The following SLC24A3 variants were observed in gnomAD, a reference collection of about 807,000 sequenced individuals.
SLC24A3 encodes solute carrier family 24 member 3, also known as sodium/potassium/calcium exchanger 3.
A neutral mutation model predicts 75.8 loss-of-function variants in SLC24A3; 28 were observed. The ratio of observed to expected loss-of-function variants is 0.37; its 90% CI spans 0.27 to 0.51. SLC24A3 has a LOEUF of 0.51. Ranked by LOEUF, SLC24A3 falls within the 20% of genes least tolerant of loss-of-function variation. The pLI, the probability that SLC24A3 is intolerant of heterozygous loss-of-function variation, is 0.94. For synonymous variants in SLC24A3, 372 were observed against 334.1 expected (o/e 1.11, Z -1.24); for missense variants, 663 against 847.8 (o/e 0.78, Z 2.71).
chr20:19,710,186 T>C (rs2032973584), intron 15 of SLC24A3, among the ~76,000 whole-genome samples: 1 of 152,210 alleles, frequency 6.6e-6, no homozygotes. Flanking sequence ...TTATTTTTCC[T>C]AAAGGAATTT....
intron 6 of SLC24A3, among the ~76,000 whole-genome samples, chr20:19,632,142 T>G (rs1408191252): frequency 2.0e-5 from 3 of 152,152 alleles, no homozygotes; most frequent in Non-Finnish European, 4.4e-5. Context: ...GAACCCCTCC[T>G]TTAGAACACT....
intron 2 of SLC24A3, among the ~76,000 whole-genome samples, chr20:19,474,483 G>T (rs1987928613): frequency 6.6e-6 from 1 of 152,132 alleles, no homozygotes; most frequent in African/African-American, 2.4e-5. Context: ...GGCAGTTAGG[G>T]GTTTATCCTG....
chr20:19,701,349 A>G (rs1311645559), intron 15 of SLC24A3, among the ~76,000 whole-genome samples: 6 of 79,776 alleles, frequency 7.5e-5, no homozygotes. Flanking sequence ...CCCGAAACAT[A>G]TTTTTATTAA....
At chr20:19,368,705 G>A (rs1388563484) in intron 2 of SLC24A3, among the ~76,000 whole-genome samples, 1 of 152,186 alleles carries the variant, frequency 6.6e-6, no homozygotes, top group African/African-American at 2.4e-5. Context: ...ACCCAGCAGT[G>A]TAGCCAAATG....
Position 19,722,767 on chromosome 20 carries a change from C to G in SLC24A3, c.*1627C>G, listed in dbSNP as rs1298623162. 6.6e-6 allele frequency: 1 copy of G among 152,550 alleles called. No homozygotes were observed. Among genetic ancestry groups the G allele is most frequent in the Non-Finnish European group, 1.5e-5 (1 of 68,032 alleles). The allele number at this position is 152,550 out of a possible 1,614,324, so 9.4% of individuals were successfully genotyped here. A position where few individuals can be genotyped will look rare whatever the true frequency, so the allele number is the denominator to read the frequency against. On this transcript the variant is annotated 3_prime_UTR_variant, in exon 17 of 17. Transcript: ENST00000328041. ...ATGGGGCACGTGCCCAACTGAGGAACAGGAGAAGAAATCACCAATTTGGGC... is the reference window on the plus strand; with the variant it reads ...ATGGGGCACGTGCCCAACTGAGGAAGAGGAGAAGAAATCACCAATTTGGGC...
chr20:19,695,672 C>T (rs576686777), intron 13 of SLC24A3: 2 of 152,298 alleles, frequency 1.3e-5, no homozygotes, highest in East Asian at 1.9e-4. Context: ...CACTTCATTC[C>T]GTGCTGAATT....
At chr20:19,293,803 A>G (rs1983998114) in intron 2 of SLC24A3, among the ~76,000 whole-genome samples, 1 of 152,088 alleles carries the variant, frequency 6.6e-6, no homozygotes, top group Non-Finnish European at 1.5e-5. Context: ...CATCAATGCC[A>G]CAATTCGATG....
chr20:19,273,403 C>T (rs1983388195), intron 1 of SLC24A3, among the ~76,000 whole-genome samples: 1 of 152,326 alleles, frequency 6.6e-6, no homozygotes, highest in East Asian at 1.9e-4. Context: ...GAAGTCCCAG[C>T]TGCTGGCTTA....
Position 19,693,413 on chromosome 20 carries a change from G to A in SLC24A3, c.1479G>A (p.Met493Ile), listed in dbSNP as rs2032769616. 6.2e-7 allele frequency: 1 copy of A among 1,613,914 alleles called. No homozygotes were observed. Among genetic ancestry groups the A allele is most frequent in the South Asian group, 1.1e-5 (1 of 91,054 alleles). The change falls in exon 13 of 17, where the codon ATG becomes ATA. Residue 493 changes from methionine (M) to isoleucine (I), a missense_variant. Coordinates refer to ENST00000328041, the MANE Select transcript of SLC24A3 (RefSeq NM_020689.4). Reference protein sequence around the residue: ...STLWIAAFSYMMVWMVTIIGY... With the variant: ...STLWIAAFSYIMVWMVTIIGY... ...TGTGGATCGCAGCCTTCTCCTACAT[G>A]ATGGTGTGGATGGTGAGTGCAATCG...
At chr20:19,442,590 G>T (rs1249768217) in intron 2 of SLC24A3, among the ~76,000 whole-genome samples, 1 of 152,086 alleles carries the variant, frequency 6.6e-6, no homozygotes, top group Non-Finnish European at 1.5e-5. Flanking sequence ...AATTATTTGT[G>T]TAGATTGCTT....
intron 2 of SLC24A3, among the ~76,000 whole-genome samples, chr20:19,413,770 C>T (rs1375045107): frequency 2.0e-5 from 3 of 152,108 alleles, no homozygotes; most frequent in Non-Finnish European, 4.4e-5. Flanking sequence ...GTTAGAATGG[C>T]TTAAAGTAAA....
chr20:19,630,724 TC>T (rs1391152565), intron 6 of SLC24A3, among the ~76,000 whole-genome samples: 2 of 152,196 alleles, frequency 1.3e-5, no homozygotes, highest in African/African-American at 4.8e-5. Flanking sequence ...TAAGCTAAAC[TC>T]CATTTAATCC....
intron 3 of SLC24A3, among the ~76,000 whole-genome samples, chr20:19,569,566 C>T (rs916362917): frequency 2.0e-5 from 3 of 152,172 alleles, no homozygotes; most frequent in Non-Finnish European, 2.9e-5. Flanking sequence ...CAGCCTCTAA[C>T]GACCTTAGCC....
intron 3 of SLC24A3, among the ~76,000 whole-genome samples, chr20:19,535,041 A>T (rs1016276584): frequency 2.0e-5 from 3 of 152,220 alleles, no homozygotes; most frequent in Non-Finnish European, 2.9e-5. Context: ...CTGGGTTTTC[A>T]AAATTGACCA....
intron 2 of SLC24A3, among the ~76,000 whole-genome samples, chr20:19,362,896 A>C (rs1985817421): frequency 1.3e-5 from 2 of 152,226 alleles, no homozygotes. Flanking sequence ...AAAATTATTA[A>C]TATCCATGAT....
intron 2 of SLC24A3, among the ~76,000 whole-genome samples, chr20:19,486,782 A>G (rs557031941): frequency 1.3e-5 from 2 of 152,364 alleles, no homozygotes; most frequent in South Asian, 2.1e-4. Flanking sequence ...TTGTGGCTGA[A>G]GTGGAAGGAT....
intron 3 of SLC24A3, among the ~76,000 whole-genome samples, chr20:19,522,522 A>G (rs1163327788): frequency 2.0e-5 from 3 of 152,226 alleles, no homozygotes; most frequent in African/African-American, 4.8e-5. Context: ...ATCCACATCA[A>G]TAAAGTGGGA....
At chr20:19,577,089 C>G (rs1488284359) in intron 3 of SLC24A3, among the ~76,000 whole-genome samples, 1 of 151,520 alleles carries the variant, frequency 6.6e-6, no homozygotes, top group African/African-American at 2.4e-5. Flanking sequence ...GAGTCTCACT[C>G]TGTCGCCGAG....
intron 6 of SLC24A3, among the ~76,000 whole-genome samples, chr20:19,619,468 C>T (rs375888565): frequency 2.0e-5 from 3 of 152,292 alleles, no homozygotes; most frequent in East Asian, 1.9e-4. Context: ...CCACCCCAAT[C>T]GATGCCAACT....
Sources: allele counts gnomAD v4.1 joint callset (sites outside exome capture counted in the v4.1 genomes callset), GRCh38; gene constraint gnomAD v4.1.1; transcripts MANE v1.5; gene names NCBI Gene and HGNC (gene_info 2026-07-23, HGNC 2026-07-21).